ALK: variants seen among roughly 807,000 people sequenced by gnomAD.
ALK encodes the protein ALK tyrosine kinase receptor.
In ALK, 74 loss-of-function variants were observed where a neutral mutation model predicts 163.1. The ratio of observed to expected loss-of-function variants is 0.45; its 90% CI spans 0.38 to 0.55. ALK has a LOEUF of 0.55. ALK is among the 20% of genes least tolerant of loss of function. ALK has a pLI of 0.00. For missense variants in ALK, 2,063 were observed against 2,105.3 expected (o/e 0.98, Z 0.39); for synonymous variants, 960 against 843.2 (o/e 1.14, Z -2.40).
chr2:29,723,222 G>A (rs998072955), intron 1 of ALK, among the ~76,000 whole-genome samples: 1 of 152,104 alleles, frequency 6.6e-6, no homozygotes, highest in Non-Finnish European at 1.5e-5. Context: ...CAGTCCCACA[G>A]GTCTCCTTGC....
chr2:29,880,738 T>C (rs1040607039), intron 1 of ALK, among the ~76,000 whole-genome samples: 1 of 152,200 alleles, frequency 6.6e-6, no homozygotes, highest in Admixed American at 6.5e-5. Flanking sequence ...GCCATAAAAG[T>C]GAGCCTGAAA....
intron 11 of ALK, among the ~76,000 whole-genome samples, chr2:29,273,519 G>A (rs1665449899): frequency 1.3e-5 from 2 of 152,226 alleles, no homozygotes; most frequent in African/African-American, 2.4e-5. Flanking sequence ...ACCTTTTAGG[G>A]ACAGTGGGAG....
intron 3 of ALK, among the ~76,000 whole-genome samples, chr2:29,575,383 T>C (rs1034608740): frequency 2.0e-5 from 3 of 152,186 alleles, no homozygotes; most frequent in Non-Finnish European, 4.4e-5. Context: ...TTTAGTTATC[T>C]AAGTTGCAGC....
intron 1 of ALK, among the ~76,000 whole-genome samples, chr2:29,881,442 G>T (rs978293222): frequency 2.6e-5 from 4 of 152,166 alleles, no homozygotes; most frequent in Non-Finnish European, 5.9e-5. Context: ...TGTCTTCCAG[G>T]ATGCAAGAAA....
At chr2:29,503,300 A>G (rs1672233900) in intron 4 of ALK, among the ~76,000 whole-genome samples, 1 of 152,176 alleles carries the variant, frequency 6.6e-6, no homozygotes, top group Non-Finnish European at 1.5e-5. Flanking sequence ...GGGATTAGGG[A>G]TCTGGTCTAT....
chr2:29,645,025 A>T (rs1212796428), intron 3 of ALK, among the ~76,000 whole-genome samples: 1 of 152,096 alleles, frequency 6.6e-6, no homozygotes, highest in African/African-American at 2.4e-5. Flanking sequence ...GGCCTTGGAG[A>T]TGTCCCAAAG....
At chr2:29,680,629 G>A (rs1245570880) in intron 3 of ALK, among the ~76,000 whole-genome samples, 2 of 151,752 alleles carry the variant, frequency 1.3e-5, no homozygotes, top group African/African-American at 4.8e-5. Context: ...CTTTTTTGTT[G>A]TTTTTAATTG....
intron 4 of ALK, among the ~76,000 whole-genome samples, chr2:29,481,975 T>C (rs1430185271): frequency 6.6e-6 from 1 of 152,218 alleles, no homozygotes; most frequent in African/African-American, 2.4e-5. Flanking sequence ...AAAGAAAGAA[T>C]ATGATCAGTG....
At chr2:29,421,870 T>C (rs1670024699) in intron 4 of ALK, among the ~76,000 whole-genome samples, 1 of 151,664 alleles carries the variant, frequency 6.6e-6, no homozygotes, top group African/African-American at 2.4e-5. Context: ...AATCGGAAAC[T>C]CTACAGAACA....
At chr2:29,867,083 T>G (rs1016752136) in intron 1 of ALK, among the ~76,000 whole-genome samples, 3 of 152,126 alleles carry the variant, frequency 2.0e-5, no homozygotes, top group Admixed American at 2.0e-4. Flanking sequence ...TATATTTACA[T>G]AAAGAAAGCC....
intron 3 of ALK, among the ~76,000 whole-genome samples, chr2:29,636,894 TCA>T (rs1676550292): frequency 2.6e-5 from 4 of 152,196 alleles, no homozygotes; most frequent in Non-Finnish European, 5.9e-5. Flanking sequence ...CACTGAGCTA[TCA>T]CCTCACATCT....
intron 4 of ALK, among the ~76,000 whole-genome samples, chr2:29,513,779 C>A (rs1414001100): frequency 4.2e-5 from 6 of 144,238 alleles, no homozygotes; most frequent in Non-Finnish European, 7.6e-5. Context: ...CCAGAATCTA[C>A]AATGAACTCA....
At chr2:29,897,315 T>C (rs1208571971) in intron 1 of ALK, among the ~76,000 whole-genome samples, 1 of 151,582 alleles carries the variant, frequency 6.6e-6, no homozygotes, top group East Asian at 1.9e-4. Flanking sequence ...TACTCCAGCC[T>C]GGACAGAGTG....
At chr2:29,384,086 C>G (rs772657539) in intron 4 of ALK, among the ~76,000 whole-genome samples, 1 of 152,172 alleles carries the variant, frequency 6.6e-6, no homozygotes, top group East Asian at 1.9e-4. Flanking sequence ...TTCACGAACC[C>G]AGTCTCACCA....
intron 3 of ALK, among the ~76,000 whole-genome samples, chr2:29,672,766 G>T (rs75734782): frequency 0.011 from 1,700 of 150,224 alleles, 16 homozygotes; most frequent in African/African-American, 0.02. Context: ...ACTTCCACAA[G>T]GGTTGAACTA....
intron 1 of ALK, among the ~76,000 whole-genome samples, chr2:29,852,250 C>A (rs540846553): frequency 1.3e-4 from 20 of 152,330 alleles, no homozygotes; most frequent in African/African-American, 4.8e-4. Flanking sequence ...ATTTTCATGG[C>A]ATGGCAGCCT....
chr2:29,248,909 C>A (rs1029763321), intron 12 of ALK, among the ~76,000 whole-genome samples: 1 of 152,198 alleles, frequency 6.6e-6, no homozygotes. Context: ...CAGAAACTAC[C>A]GCGTATGGGG....
intron 1 of ALK, among the ~76,000 whole-genome samples, chr2:29,804,727 T>C (rs533205474): frequency 6.6e-6 from 1 of 152,336 alleles, no homozygotes; most frequent in Admixed American, 6.5e-5. Flanking sequence ...CTCTGTTTCT[T>C]AGACCCATGT....
At chr2:29,668,915 C>T (rs957859871) in intron 3 of ALK, among the ~76,000 whole-genome samples, 5 of 152,014 alleles carry the variant, frequency 3.3e-5, no homozygotes, top group Non-Finnish European at 2.9e-5. Context: ...CTCCCCTTTA[C>T]GCTATGTAAG....
Sources: allele counts gnomAD v4.1 joint callset (sites outside exome capture counted in the v4.1 genomes callset), GRCh38; gene constraint gnomAD v4.1.1; transcripts MANE v1.5; gene names NCBI Gene and HGNC (gene_info 2026-07-23, HGNC 2026-07-21).